Variants in XPA observed in about 807,000 individuals in gnomAD.
The protein encoded by XPA is XPA, DNA damage recognition and repair factor.
A neutral mutation model predicts 35.7 loss-of-function variants in XPA; 27 were observed. The ratio of observed to expected loss-of-function variants is 0.76; its 90% CI spans 0.56 to 1.04. The LOEUF is 1.04. XPA is among the 50% of genes least tolerant of loss of function. The pLI is 0.00. For synonymous variants in XPA, 133 were observed against 118.4 expected (o/e 1.12, Z -0.80); for missense variants, 354 against 342.7 (o/e 1.03, Z -0.26).
chr9:97,674,293 TA>T (rs1828284916), downstream of XPA, among the ~76,000 whole-genome samples: 1 of 151,396 alleles, frequency 6.6e-6, no homozygotes, highest in Non-Finnish European at 1.5e-5. Context: ...TAGCACGTAT[TA>T]GTCATTGAGT....
At chr9:97,666,984 A>G in the XPA span, 4 of 833,104 alleles carry the variant, frequency 4.8e-6, no homozygotes, top group Non-Finnish European at 7.1e-6. Flanking sequence ...CTGAGCCCAA[A>G]TTAATGCAGA....
intron 5 of XPA, among the ~76,000 whole-genome samples, chr9:97,683,217 C>G (rs1554700777): frequency 6.6e-6 from 1 of 152,170 alleles, no homozygotes; most frequent in Non-Finnish European, 1.5e-5. Context: ...TAGTATATAA[C>G]TAATCTATCA....
intron 5 of XPA, among the ~76,000 whole-genome samples, chr9:97,682,008 A>G (rs979018443): frequency 3.9e-5 from 6 of 152,208 alleles, no homozygotes; most frequent in African/African-American, 1.4e-4. Context: ...CTAACAAGGC[A>G]GAACAATTTG....
At chr9:97,696,033 C>A (rs1466462933) in intron 1 of XPA, among the ~76,000 whole-genome samples, 2 of 152,134 alleles carry the variant, frequency 1.3e-5, no homozygotes, top group African/African-American at 4.8e-5. Context: ...CTGACTCTAG[C>A]GTGCCTCAAG....
At chr9:97,686,652 C>T (rs1587745690) in intron 4 of XPA, among the ~76,000 whole-genome samples, 2 of 152,166 alleles carry the variant, frequency 1.3e-5, no homozygotes, top group East Asian at 1.9e-4. Context: ...TGAGGCCAGG[C>T]GTGGCGGCTC....
At chr9:97,662,388 GA>G in the XPA span, among the ~76,000 whole-genome samples, 9 of 152,122 alleles carry the variant, frequency 5.9e-5, no homozygotes, top group African/African-American at 2.2e-4. Context: ...AGAAACTAGT[GA>G]AAAACCTAGG....
the XPA span, chr9:97,666,930 G>A: frequency 7.8e-7 from 1 of 1,276,196 alleles, no homozygotes; most frequent in Non-Finnish European, 1.1e-6. Context: ...CAGAAACTCT[G>A]GAGAGGATTC....
chr9:97,683,813 A>G (rs911758361), intron 5 of XPA, among the ~76,000 whole-genome samples: 1 of 151,710 alleles, frequency 6.6e-6, no homozygotes, highest in African/African-American at 2.4e-5. Flanking sequence ...CTTACATTCA[A>G]TTTTTGGTTT....
At chr9:97,681,438 C>T (rs1304729953) in intron 5 of XPA, among the ~76,000 whole-genome samples, 2 of 152,154 alleles carry the variant, frequency 1.3e-5, no homozygotes, top group East Asian at 3.8e-4. Context: ...ATAAATATAA[C>T]CACAGGCCCA....
At position 97,675,137 on chromosome 9, in the gene XPA, A is replaced by C; in HGVS notation, c.*302T>G. On this transcript the variant is annotated 3_prime_UTR_variant, in exon 6 of 6. Coordinates refer to ENST00000375128, the MANE Select transcript of XPA (RefSeq NM_000380.4). The stretch of plus-strand genomic sequence containing the variant: ...ACCCCAATCTAGGGTTTGCCTTGGT[A>C]TCTTGTCCTCAAATTTGTAGCTGAC... The C allele has an allele frequency of 1.8e-6, 1 of 561,242 alleles. No individual in the cohort carries two copies. The allele number at this position is 561,242 out of a possible 1,614,324, so 34.8% of individuals were successfully genotyped here. A position where few individuals can be genotyped will look rare whatever the true frequency, so the allele number is the denominator to read the frequency against.
intron 2 of XPA, among the ~76,000 whole-genome samples, chr9:97,691,886 A>AAT (rs55944336): frequency 0.059 from 7,278 of 124,394 alleles, 217 homozygotes; most frequent in South Asian, 0.12. Context: ...TTTCTAAATA[A>AAT]ATATATATAT....
intron 5 of XPA, 125 bp from the exon 6 acceptor site, chr9:97,675,712 GT>G: frequency 1.7e-6 from 2 of 1,179,440 alleles, no homozygotes; most frequent in Non-Finnish European, 2.5e-6. Flanking sequence ...ACCATATATA[GT>G]TTACCTTAAT....
chr9:97,656,138 T>C, the XPA span: 91 of 1,367,614 alleles, frequency 6.7e-5, no homozygotes, highest in Non-Finnish European at 9.3e-5. Flanking sequence ...TTTCTTTCTC[T>C]TCTCTGCACT....
At chr9:97,655,897 A>G in the XPA span, 1 of 1,327,864 alleles carries the variant, frequency 7.5e-7, no homozygotes, top group Non-Finnish European at 1.0e-6. Flanking sequence ...TTACAAGTGC[A>G]ATTATAACTT....
the XPA span, chr9:97,660,820 G>T: frequency 9.1e-7 from 1 of 1,103,462 alleles, no homozygotes; most frequent in Non-Finnish European, 1.3e-6. Flanking sequence ...TATTGACCTT[G>T]GGATAAAGAG....
At chr9:97,693,338 A>G (rs369109778) in intron 2 of XPA, among the ~76,000 whole-genome samples, 14 of 152,300 alleles carry the variant, frequency 9.2e-5, no homozygotes, top group Admixed American at 6.5e-4. Flanking sequence ...ATTTCAGCCT[A>G]TCAAGATAAT....
the XPA span, chr9:97,654,982 CT>C: frequency 6.9e-7 from 1 of 1,450,420 alleles, no homozygotes; most frequent in Non-Finnish European, 9.3e-7. Context: ...GAGTTAGCAG[CT>C]TTTACTTCCT....
intron 5 of XPA, among the ~76,000 whole-genome samples, chr9:97,681,787 C>T (rs1828550980): frequency 6.6e-6 from 1 of 152,176 alleles, no homozygotes; most frequent in Non-Finnish European, 1.5e-5. Context: ...ACAGTCCTCT[C>T]TTTCAGACTC....
At chr9:97,696,578 C>T (rs1038317110) in intron 1 of XPA, among the ~76,000 whole-genome samples, 2 of 152,134 alleles carry the variant, frequency 1.3e-5, no homozygotes, top group Non-Finnish European at 1.5e-5. Context: ...TCCTCTCCTC[C>T]ACATAAGTAA....
Sources: gnomAD v4.1 joint callset for allele counts (sites outside exome capture counted in the v4.1 genomes callset) on GRCh38, gnomAD v4.1.1 for gene constraint, MANE v1.5 for transcripts, NCBI Gene and HGNC (gene_info 2026-07-23, HGNC 2026-07-21) for gene names.